The following COL8A1 variants were observed in gnomAD, a reference collection of about 807,000 sequenced individuals.
The protein encoded by COL8A1 is collagen type VIII alpha 1 chain.
COL8A1 carries 21 observed loss-of-function variants against 42.7 expected under a neutral mutation model. That is an observed-to-expected ratio of 0.49 (90% CI 0.35 to 0.71). COL8A1 has a LOEUF of 0.71. COL8A1 is among the 30% of genes least tolerant of loss of function. The pLI, the probability that COL8A1 is intolerant of heterozygous loss-of-function variation, is 0.01. For synonymous variants in COL8A1, 367 were observed against 369.1 expected (o/e 0.99, Z 0.06); for missense variants, 788 against 962.4 (o/e 0.82, Z 2.40).
chr3:99,688,771 G>A (rs76008794), intron 1 of COL8A1, among the ~76,000 whole-genome samples: 6,320 of 152,124 alleles, frequency 0.042, 183 homozygotes, highest in Middle Eastern at 0.071. Flanking sequence ...ATTGAGCTCC[G>A]TCATCATCAT....
chr3:99,641,527 T>C (rs1937508431), intron 1 of COL8A1, among the ~76,000 whole-genome samples: 1 of 152,186 alleles, frequency 6.6e-6, no homozygotes, highest in Non-Finnish European at 1.5e-5. Flanking sequence ...AAAAACTCCT[T>C]AAAACATGTT....
At chr3:99,667,439 G>GT (rs1938400116) in intron 1 of COL8A1, among the ~76,000 whole-genome samples, 1 of 152,134 alleles carries the variant, frequency 6.6e-6, no homozygotes, top group African/African-American at 2.4e-5. Flanking sequence ...GGGTTTTGTT[G>GT]TTGTTGTGTA....
chr3:99,710,733 T>G (rs1377948122), intron 1 of COL8A1, among the ~76,000 whole-genome samples: 1 of 152,174 alleles, frequency 6.6e-6, no homozygotes, highest in Non-Finnish European at 1.5e-5. Flanking sequence ...ATTTTATAGA[T>G]GAGACAGGGT....
At position 99,794,364 on chromosome 3, in the gene COL8A1, C is replaced by T. The variant is rs1273339791; in HGVS notation, c.463C>T (p.Pro155Ser). 6.2e-7 allele frequency: 1 copy of T among 1,613,896 alleles called. No individual in the cohort carries two copies. Among genetic ancestry groups the T allele is most frequent in the Admixed American group, 1.7e-5 (1 of 59,982 alleles). The change falls in exon 4 of 4, where the codon CCA (proline) becomes TCA (serine). Residue 155 changes from proline (P) to serine (S), a missense_variant. This residue lies in a region of COL8A1 where 421 missense variants were observed against 553.1 expected (regional missense o/e 0.76). Transcript: ENST00000652472. This position sits in a 1 kb window ranked among gnomAD's most constrained non-coding sequence, Gnocchi z 4.3. ...IKGKPGPQGY[P>S]GVGKPGMPGM... ...AGGAAAACCAGGGCCACAGGGATATCCAGGAGTTGGAAAGCCAGGTATGCC... is the reference window on the plus strand; with the variant it reads ...AGGAAAACCAGGGCCACAGGGATATTCAGGAGTTGGAAAGCCAGGTATGCC...
At chr3:99,666,067 G>A (rs1331738260) in intron 1 of COL8A1, among the ~76,000 whole-genome samples, 1 of 152,014 alleles carries the variant, frequency 6.6e-6, no homozygotes, top group Admixed American at 6.6e-5. Context: ...AAATCTTCTG[G>A]AAGAAACCTG....
At chr3:99,658,204 C>G (rs1260564300) in intron 1 of COL8A1, among the ~76,000 whole-genome samples, 5 of 152,074 alleles carry the variant, frequency 3.3e-5, no homozygotes, top group South Asian at 4.1e-4. Flanking sequence ...AGGCCTTCAT[C>G]ATCTGGGCCT....
chr3:99,723,422 G>A (rs1328869896), intron 1 of COL8A1, among the ~76,000 whole-genome samples: 1 of 152,080 alleles, frequency 6.6e-6, no homozygotes, highest in African/African-American at 2.4e-5. Context: ...GACTGTAAAT[G>A]CTAGACAGTG....
rs750650776 is a variant in COL8A1 at position 99,654,873 on chromosome 3, A to C, written c.-129+16209A>C. Among the ~76,000 whole-genome samples, 22 of 152,094 alleles carry C rather than the reference A, an allele frequency of 1.4e-4. 1 individual carries two copies. Among genetic ancestry groups the C allele is most frequent in the Non-Finnish European group, 2.9e-4 (20 of 68,008 alleles). ...AGTTCATAAAAACAAAGGAAGAAGGACCATAAGAGGTTTTTTTTAAGACTT... is the reference window on the plus strand; with the variant it reads ...AGTTCATAAAAACAAAGGAAGAAGGCCCATAAGAGGTTTTTTTTAAGACTT... On this transcript the variant is annotated intron_variant, in intron 1 of 3. Coordinates refer to ENST00000652472, the MANE Select transcript of COL8A1 (RefSeq NM_020351.4).
intron 1 of COL8A1, among the ~76,000 whole-genome samples, chr3:99,717,959 T>C (rs189508665): frequency 7.2e-5 from 11 of 152,156 alleles, no homozygotes; most frequent in Non-Finnish European, 1.3e-4. Context: ...TTTTGTCTTC[T>C]AAACAGACAA....
At chr3:99,788,564 C>G (rs982221781) in intron 2 of COL8A1, among the ~76,000 whole-genome samples, 1 of 152,206 alleles carries the variant, frequency 6.6e-6, no homozygotes, top group Non-Finnish European at 1.5e-5. Flanking sequence ...CCACACATTT[C>G]TGGTATGGAT....
intron 1 of COL8A1, among the ~76,000 whole-genome samples, chr3:99,717,969 A>G (rs1400712632): frequency 6.6e-6 from 1 of 151,992 alleles, no homozygotes; most frequent in Non-Finnish European, 1.5e-5. Flanking sequence ...TAAACAGACA[A>G]GGGTCTTTGC....
intron 1 of COL8A1, among the ~76,000 whole-genome samples, chr3:99,662,813 T>A (rs1035003390): frequency 2.6e-5 from 4 of 152,158 alleles, no homozygotes; most frequent in Non-Finnish European, 5.9e-5. Context: ...CCCCAATCTC[T>A]GCCTTCATCT....
intron 1 of COL8A1, among the ~76,000 whole-genome samples, chr3:99,640,601 T>C (rs183329699): frequency 1.3e-5 from 2 of 152,332 alleles, no homozygotes; most frequent in East Asian, 3.9e-4. Flanking sequence ...GGACCAGCTA[T>C]GGACCGTTAA....
intron 1 of COL8A1, among the ~76,000 whole-genome samples, chr3:99,648,981 A>G (rs1471197933): frequency 6.6e-6 from 1 of 152,140 alleles, no homozygotes; most frequent in Non-Finnish European, 1.5e-5. Flanking sequence ...CCAAAGACAA[A>G]AAAGGAAACA....
At chr3:99,775,808 G>A (rs1941683295) in intron 2 of COL8A1, among the ~76,000 whole-genome samples, 2 of 152,158 alleles carry the variant, frequency 1.3e-5, no homozygotes, top group Admixed American at 6.5e-5. Flanking sequence ...TCAATCATCT[G>A]TCATACAAAT....
intron 1 of COL8A1, among the ~76,000 whole-genome samples, chr3:99,673,435 A>G (rs944300629): frequency 6.6e-6 from 1 of 152,118 alleles, no homozygotes; most frequent in Non-Finnish European, 1.5e-5. Context: ...AAAATCCATT[A>G]TGGGACTATC....
chr3:99,686,370 C>T (rs540468005), intron 1 of COL8A1, among the ~76,000 whole-genome samples: 71 of 152,252 alleles, frequency 4.7e-4, no homozygotes, highest in Non-Finnish European at 8.8e-4. Context: ...TTATTACACT[C>T]CAAGTTGCTT....
chr3:99,639,605 A>T (rs1937463061), intron 1 of COL8A1, among the ~76,000 whole-genome samples: 1 of 152,258 alleles, frequency 6.6e-6, no homozygotes, highest in Non-Finnish European at 1.5e-5. Flanking sequence ...CCTCTTTAAA[A>T]GAAAATGATC....
intron 1 of COL8A1, among the ~76,000 whole-genome samples, chr3:99,713,387 C>T (rs1013016465): frequency 1.3e-5 from 2 of 152,094 alleles, no homozygotes; most frequent in African/African-American, 2.4e-5. Flanking sequence ...CTTATTTTTG[C>T]TACCCCAAGA....
Sources: allele counts gnomAD v4.1 joint callset (sites outside exome capture counted in the v4.1 genomes callset), GRCh38; gene constraint gnomAD v4.1.1; regional missense constraint gnomAD v4.1.1; non-coding constraint Gnocchi (gnomAD v3.1); transcripts MANE v1.5; gene names NCBI Gene and HGNC (gene_info 2026-07-23, HGNC 2026-07-21).